The following ITGB8 variants were observed in gnomAD, a reference collection of about 807,000 sequenced individuals.
The protein encoded by ITGB8 is integrin subunit beta 8, also known as integrin beta-8.
In ITGB8, 30 loss-of-function variants were observed where a neutral mutation model predicts 89.5. The ratio of observed to expected loss-of-function variants is 0.34; its 90% confidence interval spans 0.25 to 0.45. The LOEUF (loss-of-function observed/expected upper bound fraction) is 0.45, where lower values mean the gene tolerates loss of function less well. Among genes scored for constraint, ITGB8 ranks in the 20% least tolerant of loss-of-function variants. The pLI, the probability that ITGB8 is intolerant of heterozygous loss-of-function variation, is 1.00. For missense variants in ITGB8, 836 were observed against 933.3 expected (o/e 0.90, Z 1.36); for synonymous variants, 335 against 320.4 (o/e 1.05, Z -0.49).
intron 1 of ITGB8, among the ~76,000 whole-genome samples, chr7:20,362,598 A>G (rs180959052): frequency 1.3e-3 from 205 of 152,208 alleles, no homozygotes; most frequent in African/African-American, 4.6e-3. Context: ...ATCTTATACT[A>G]TGTGATACTG....
At position 20,363,680 on chromosome 7, in the gene ITGB8, G is replaced by T. The variant is rs781253213; in HGVS notation, c.171G>T (p.Arg57Ser). The T allele has an allele frequency of 6.9e-6, 11 of 1,605,436 alleles. No homozygotes were observed. The highest frequency in any genetic ancestry group is 8.5e-6 in the Non-Finnish European group (10 of 1,177,460). The change falls in exon 2 of 14, where the codon AGG (arginine) becomes AGT (serine). Residue 57 changes from arginine (R) to serine (S), a missense_variant. By Grantham distance (110) the Arg-to-Ser change is moderately radical. This residue lies in a region of ITGB8 where 182 missense variants were observed against 177.0 expected (regional missense o/e 1.03). Transcript: ENST00000222573. Reference protein sequence around the residue: ...CASSNAASCARCLALGPECGW... With the variant: ...CASSNAASCASCLALGPECGW... ...CTTCAAATGCAGCATCCTGTGCCAG[G>T]TGCCTTGCGCTGGGTCCAGAATGTG...
intron 3 of ITGB8, among the ~76,000 whole-genome samples, chr7:20,377,965 G>T (rs1786221167): frequency 6.6e-6 from 1 of 152,152 alleles, no homozygotes; most frequent in Non-Finnish European, 1.5e-5. Context: ...GGTAAATTAT[G>T]TATACAAATG....
chr7:20,353,288 T>A (rs1166055010), intron 1 of ITGB8: 1 of 152,232 alleles, frequency 6.6e-6, no homozygotes, highest in Non-Finnish European at 1.5e-5. Flanking sequence ...TTACTCACTA[T>A]GTAACAGGAG....
intron 1 of ITGB8, among the ~76,000 whole-genome samples, chr7:20,349,643 T>C (rs1236278355): frequency 6.6e-6 from 1 of 152,198 alleles, no homozygotes; most frequent in South Asian, 2.1e-4. Context: ...ATATGCCGTA[T>C]AGGGATAAAC....
chr7:20,349,540 T>C (rs1330151557), intron 1 of ITGB8, among the ~76,000 whole-genome samples: 17 of 152,100 alleles, frequency 1.1e-4, no homozygotes, highest in Non-Finnish European at 1.5e-5. Flanking sequence ...TTTGAAAAGA[T>C]TTTTTATTAT....
intron 7 of ITGB8, among the ~76,000 whole-genome samples, chr7:20,392,864 A>G (rs1194240482): frequency 1.3e-5 from 2 of 152,242 alleles, no homozygotes; most frequent in Non-Finnish European, 2.9e-5. Context: ...GTAACAACAA[A>G]CTAACATCTG....
At chr7:20,401,169 G>C (rs1787293758) in intron 9 of ITGB8, among the ~76,000 whole-genome samples, 1 of 152,014 alleles carries the variant, frequency 6.6e-6, no homozygotes, top group Non-Finnish European at 1.5e-5. Flanking sequence ...AGTAGAGATA[G>C]GGTTTCACCA....
Position 20,410,107 on chromosome 7 carries a change from T to G in ITGB8, c.*110T>G. ...GACAAATTGCTCACGGTCATGCCAG[T>G]TGCTGGTTGTACACTCGAACGAAGA... On this transcript the variant is annotated 3_prime_UTR_variant, in exon 14 of 14. Coordinates refer to ENST00000222573, the MANE Select transcript of ITGB8 (RefSeq NM_002214.3). 9.2e-7 allele frequency: 1 copy of G among 1,084,340 alleles called. No homozygotes were observed. The highest frequency in any genetic ancestry group is 2.4e-5 in the East Asian group (1 of 41,462). 67.2% of individuals were successfully genotyped at this position (1,084,340 alleles called of 1,614,324 possible).
chr7:20,350,337 G>A (rs1277863313), intron 1 of ITGB8, among the ~76,000 whole-genome samples: 1 of 152,138 alleles, frequency 6.6e-6, no homozygotes, highest in South Asian at 2.1e-4. Context: ...TAGTAGAGAC[G>A]GGGTTTTGCC....
At chr7:20,377,118 G>T (rs768696561) in intron 3 of ITGB8, among the ~76,000 whole-genome samples, 12 of 152,150 alleles carry the variant, frequency 7.9e-5, no homozygotes, top group Non-Finnish European at 1.5e-4. Context: ...GGCTTTTGCT[G>T]ATGCTGTACA....
At chr7:20,379,338 G>C in intron 4 of ITGB8, 41 bp downstream of exon 4, 1 of 1,364,258 alleles carries the variant, frequency 7.3e-7, no homozygotes, top group Non-Finnish European at 9.7e-7. Flanking sequence ...TTAATTTTTT[G>C]CTTATAAAAT....
At position 20,412,814 on chromosome 7, in the gene ITGB8, T is replaced by C. The variant is rs1290957647; in HGVS notation, c.*2817T>C. The C allele has an allele frequency of 2.0e-5, 3 of 152,624 alleles. No homozygotes were observed. Among genetic ancestry groups the C allele is most frequent in the African/African-American group, 7.2e-5 (3 of 41,452 alleles). 9.5% of individuals were successfully genotyped at this position (152,624 alleles called of 1,614,324 possible). A position where few individuals can be genotyped will look rare whatever the true frequency, so the allele number is the denominator to read the frequency against. Reference sequence around the variant, plus strand: ...ATTTGACTAGTTAGAATTAATTAAATGGTAAGGGAACACAGGGTACTCTTA... The same window carrying C: ...ATTTGACTAGTTAGAATTAATTAAACGGTAAGGGAACACAGGGTACTCTTA... On this transcript the variant is annotated 3_prime_UTR_variant, in exon 14 of 14. Coordinates refer to ENST00000222573, the MANE Select transcript of ITGB8 (RefSeq NM_002214.3).
In ITGB8 at chr7:20,331,380, C is replaced by A. The variant is rs538600350; in HGVS notation, c.-427C>A. 10 of 398,232 alleles carry A rather than the reference C, an allele frequency of 2.5e-5. No individual in the cohort carries two copies. The highest frequency in any genetic ancestry group is 4.4e-5 in the Admixed American group (1 of 22,654). The allele number at this position is 398,232 out of a possible 1,614,324, so 24.7% of individuals were successfully genotyped here. ...ATGTACATTAGGGTGGTTTCCCCCC[C>A]AGCTTCGGGCTTTGTTTGGGTTTGA... On this transcript the variant is annotated 5_prime_UTR_variant, in exon 1 of 14. Transcript: ENST00000222573.
intron 1 of ITGB8, among the ~76,000 whole-genome samples, chr7:20,358,694 C>T (rs1442700217): frequency 2.0e-5 from 3 of 152,246 alleles, no homozygotes; most frequent in Non-Finnish European, 2.9e-5. Context: ...TGAGCCACTG[C>T]GCCCAGCCAG....
intron 1 of ITGB8, among the ~76,000 whole-genome samples, chr7:20,362,733 T>A (rs1006602693): frequency 1.3e-5 from 2 of 152,220 alleles, no homozygotes; most frequent in East Asian, 3.8e-4. Context: ...GAACATCTTA[T>A]GTTAAAGAAT....
intron 1 of ITGB8, among the ~76,000 whole-genome samples, chr7:20,332,607 T>C (rs571748482): frequency 3.3e-5 from 5 of 152,352 alleles, no homozygotes; most frequent in Admixed American, 3.3e-4. Flanking sequence ...AAACCATTTG[T>C]GTAAGAGCTA....
intron 10 of ITGB8, among the ~76,000 whole-genome samples, chr7:20,402,430 T>C (rs1787352698): frequency 1.3e-5 from 2 of 152,240 alleles, no homozygotes; most frequent in Non-Finnish European, 2.9e-5. Flanking sequence ...TGATGATATC[T>C]GACACATTTT....
intron 1 of ITGB8, among the ~76,000 whole-genome samples, chr7:20,354,259 C>T (rs1198528620): frequency 6.6e-6 from 1 of 152,180 alleles, no homozygotes; most frequent in Non-Finnish European, 1.5e-5. Context: ...CTCCCAGGAA[C>T]TGGTAGTCTA....
At chr7:20,371,709 C>T (rs1242720697) in intron 3 of ITGB8, among the ~76,000 whole-genome samples, 1 of 152,148 alleles carries the variant, frequency 6.6e-6, no homozygotes, top group Non-Finnish European at 1.5e-5. Flanking sequence ...AATTTGAATG[C>T]AGTTTTTTAA....
Sources: gnomAD v4.1 joint callset for allele counts (sites outside exome capture counted in the v4.1 genomes callset) on GRCh38, gnomAD v4.1.1 for gene constraint, gnomAD v4.1.1 regional missense constraint, MANE v1.5 for transcripts, NCBI Gene and HGNC (gene_info 2026-07-23, HGNC 2026-07-21) for gene names.